Variants in PPP1R12A observed in about 807,000 individuals in gnomAD.
PPP1R12A encodes the protein myosin binding subunit.
A neutral mutation model predicts 139.6 loss-of-function variants in PPP1R12A; 19 were observed. The ratio of observed to expected loss-of-function variants is 0.14; its 90% CI spans 0.09 to 0.20. The LOEUF is 0.20. PPP1R12A is among the 10% of genes least tolerant of loss of function. The probability of loss-of-function intolerance (pLI) is 1.00; values close to 1 mark genes in which losing one functional copy is unlikely to be tolerated. For missense variants in PPP1R12A, 925 were observed against 1,211.5 expected, an observed-to-expected ratio of 0.76 and a Z score of 3.51; for synonymous variants, 427 against 420.6, an observed-to-expected ratio of 1.02 and a Z score of -0.19.
At chr12:79,887,183 A>G (rs1750991912) in intron 1 of PPP1R12A, among the ~76,000 whole-genome samples, 1 of 152,222 alleles carries the variant, frequency 6.6e-6, no homozygotes, top group Admixed American at 6.5e-5. Context: ...TATGTAGTGA[A>G]CCAAAATACT....
intron 2 of PPP1R12A, among the ~76,000 whole-genome samples, chr12:79,859,878 C>G (rs1339241783): frequency 6.6e-6 from 1 of 152,226 alleles, no homozygotes; most frequent in Non-Finnish European, 1.5e-5. Context: ...CATCCCACTG[C>G]ACTCCAGCCT....
intron 2 of PPP1R12A, among the ~76,000 whole-genome samples, chr12:79,860,791 G>C (rs1039127447): frequency 6.6e-6 from 1 of 151,844 alleles, no homozygotes; most frequent in Non-Finnish European, 1.5e-5. Context: ...ATATACTAAG[G>C]ACAAAAAGAA....
chr12:79,778,374 C>T, intron 24 of PPP1R12A, 176 bp downstream of exon 24: 1 of 394,044 alleles, frequency 2.5e-6, no homozygotes. Context: ...GGTTTTAGAC[C>T]CTCTTCTGGC....
At chr12:79,820,395 A>G (rs1011578258) in intron 8 of PPP1R12A, among the ~76,000 whole-genome samples, 1 of 152,100 alleles carries the variant, frequency 6.6e-6, no homozygotes. Flanking sequence ...CTACTTTACT[A>G]TTTCTTAGGG....
chr12:79,782,543 T>C lies in PPP1R12A; in HGVS notation c.2908-681A>G, dbSNP rs1292708703. The C allele has an allele frequency of 6.6e-6, 3 of 454,470 alleles. No individual in the cohort carries two copies. In the Admixed American group the frequency reaches 7.1e-5, roughly 11 times the overall value. 28.2% of individuals were successfully genotyped at this position (454,470 alleles called of 1,614,324 possible). On this transcript the variant is annotated intron_variant, in intron 22 of 24. Transcript: ENST00000450142. ...GATATATAAGCTTGGCTTTAAGGGA[T>C]GGAAAAGCACCTTGGGTTTTAGCCT...
At chr12:79,870,983 T>C (rs1364587410) in intron 2 of PPP1R12A, among the ~76,000 whole-genome samples, 2 of 152,208 alleles carry the variant, frequency 1.3e-5, no homozygotes, top group East Asian at 1.9e-4. Context: ...TATTTTCTAC[T>C]TGCAATCCAT....
At chr12:79,819,262 C>T (rs1031751718) in intron 8 of PPP1R12A, 6 of 152,058 alleles carry the variant, frequency 3.9e-5, no homozygotes, top group Admixed American at 3.3e-4. Context: ...TCATATAGCC[C>T]GATTTTTCTC....
At chr12:79,808,625 T>A (rs753034329) in intron 10 of PPP1R12A, 48 bp from the exon 11 acceptor site, 7 of 1,032,760 alleles carry the variant, frequency 6.8e-6, no homozygotes, top group Non-Finnish European at 1.0e-5. Context: ...GGGTACTGAC[T>A]ATAGGCAATG....
chr12:79,782,084 T>C (rs1056938391), intron 22 of PPP1R12A: 1 of 327,258 alleles, frequency 3.1e-6, no homozygotes, highest in African/African-American at 2.1e-5. Flanking sequence ...TTATGTTCTC[T>C]ATCACTTTTC....
chr12:79,931,660 A>G (rs1888262163), intron 1 of PPP1R12A, among the ~76,000 whole-genome samples: 1 of 152,232 alleles, frequency 6.6e-6, no homozygotes, highest in Admixed American at 6.5e-5. Context: ...CCAGGTAGCT[A>G]TAAAATCAGA....
chr12:79,918,670 C>T (rs1276522058), intron 1 of PPP1R12A, among the ~76,000 whole-genome samples: 5 of 152,138 alleles, frequency 3.3e-5, no homozygotes, highest in African/African-American at 1.2e-4. Context: ...TAAGCTAGTT[C>T]ATCTCATAGT....
intron 18 of PPP1R12A, among the ~76,000 whole-genome samples, chr12:79,794,711 G>C (rs2137020177): frequency 6.6e-6 from 1 of 152,148 alleles, no homozygotes; most frequent in Admixed American, 6.5e-5. Context: ...CATATAGTGA[G>C]AGATGGGTCA....
chr12:79,910,429 C>T (rs1218723856), intron 1 of PPP1R12A, among the ~76,000 whole-genome samples: 9 of 151,546 alleles, frequency 5.9e-5, no homozygotes, highest in South Asian at 4.2e-4. Flanking sequence ...TGCAGTGAGC[C>T]GAGACGGCGC....
intron 1 of PPP1R12A, among the ~76,000 whole-genome samples, chr12:79,907,347 C>T (rs1043628848): frequency 2.0e-5 from 3 of 152,016 alleles, no homozygotes; most frequent in African/African-American, 7.2e-5. Flanking sequence ...TAAAATGGAA[C>T]TCTGGAACTT....
chr12:79,883,203 G>T (rs1207590461), intron 1 of PPP1R12A, among the ~76,000 whole-genome samples: 22 of 152,046 alleles, frequency 1.4e-4, no homozygotes, highest in Non-Finnish European at 2.5e-4. Context: ...CTGGCTGAAG[G>T]CTCATATAAT....
At chr12:79,918,727 A>G (rs1887195710) in intron 1 of PPP1R12A, among the ~76,000 whole-genome samples, 1 of 152,148 alleles carries the variant, frequency 6.6e-6, no homozygotes, top group South Asian at 2.1e-4. Flanking sequence ...CTCTACCTTC[A>G]GCTTTGTCCT....
Position 79,793,894 on chromosome 12 carries a change from G to C in PPP1R12A, c.2618C>G (p.Thr873Arg). ...TTCTTTCTTATTGGATCCCTCTTCT[G>C]TGTCTGATTGTTGTTCTTGTTCATT... ...DENEQEQQSD[T>R]EEGSNKKETQ... The change falls in exon 19 of 25, where the codon ACA (threonine) becomes AGA (arginine). Residue 873 changes from threonine (T) to arginine (R), a missense_variant. Thr to Arg is a moderately conservative substitution (Grantham distance 71, BLOSUM62 -1). Transcript: ENST00000450142. 1.9e-6 allele frequency: 3 copies of C among 1,593,726 alleles called. No individual in the cohort carries two copies. Among genetic ancestry groups the C allele is most frequent in the Non-Finnish European group, 1.7e-6 (2 of 1,170,992 alleles).
rs1345118435 is a variant in PPP1R12A at position 79,817,529 on chromosome 12, C to T, written c.1115-11G>A. ...GGGGTTTTGTCTTATCTATTAAAGACAAACAATTAAGAGTCAAGATTCCAT... is the reference window on the plus strand; with the variant it reads ...GGGGTTTTGTCTTATCTATTAAAGATAAACAATTAAGAGTCAAGATTCCAT... On this transcript the variant is annotated splice_polypyrimidine_tract_variant and intron_variant, in intron 8 of 24. Coordinates refer to ENST00000450142, the MANE Select transcript of PPP1R12A (RefSeq NM_002480.3). 2.6e-6 allele frequency: 4 copies of T among 1,567,838 alleles called. No homozygotes were observed. The Admixed American group carries it at 7.6e-5, about 30-fold the overall frequency.
At position 79,829,087 on chromosome 12, in the gene PPP1R12A, T is replaced by A. The variant is rs1244428571; in HGVS notation, c.648-623A>T. ...GCAGATACTCCAGTCATCAACAAGC[T>A]AAAACAGAAACACATTTTAATACAA... is the stretch of plus-strand genomic sequence containing the variant. On this transcript the variant is annotated intron_variant, in intron 4 of 24. Transcript: ENST00000450142. 2.0e-5 allele frequency among the ~76,000 whole-genome samples: 3 copies of A among 152,148 alleles called. No individual in the cohort carries two copies. The East Asian group carries it at 5.8e-4, about 29-fold the overall frequency.
Sources: gnomAD v4.1 joint callset for allele counts (sites outside exome capture counted in the v4.1 genomes callset) on GRCh38, gnomAD v4.1.1 for gene constraint, MANE v1.5 for transcripts, NCBI Gene and HGNC (gene_info 2026-07-23, HGNC 2026-07-21) for gene names.